Variants in MC2R observed in about 807,000 individuals in gnomAD.
The protein encoded by MC2R is adrenocorticotropic hormone receptor.
A neutral mutation model predicts 9.8 loss-of-function variants in MC2R; 9 were observed. That is an observed-to-expected ratio of 0.92 (90% CI 0.55 to 1.60). The LOEUF is 1.60. Among genes scored for constraint, MC2R ranks in the 40% most tolerant of loss-of-function variants. The pLI is 0.00. For synonymous variants in MC2R, 185 were observed against 154.7 expected, an observed-to-expected ratio of 1.20 and a Z score of -1.45; for missense variants, 370 against 389.0, an observed-to-expected ratio of 0.95 and a Z score of 0.41.
Position 13,897,325 on chromosome 18 carries a change from C to G in MC2R, c.-128-11679G>C, listed in dbSNP as rs146098495. 1.2e-3 allele frequency among the ~76,000 whole-genome samples: 181 copies of G among 152,334 alleles called. 4 individuals carry two copies. The Middle Eastern group carries it at 0.017, about 14-fold the overall frequency. The stretch of plus-strand genomic sequence containing the variant: ...CACGGAGCAAGTCTTTAGACCAGCC[C>G]TAGCCAGGGGGAATCGCTGACCCCA... On this transcript the variant is annotated intron_variant, in intron 1 of 1. Coordinates refer to ENST00000327606, the MANE Select transcript of MC2R (RefSeq NM_000529.2).
chr18:13,884,634 C>T lies in MC2R; in HGVS notation c.885G>A (p.Arg295=), dbSNP rs147683219. The change falls in exon 2 of 2, where the codon AGG becomes AGA. Residue 295 remains arginine (R), a synonymous_variant. Coordinates refer to ENST00000327606, the MANE Select transcript of MC2R (RefSeq NM_000529.2). The stretch of plus-strand genomic sequence containing the variant: ...CCAGGGATCAGCCATTCTACCAGTA[C>T]CTGCTGCAGAAGATCATCTTTTTGA... ...DAFKKMIFCS[R]YW 41 of 1,612,518 alleles carry T rather than the reference C, an allele frequency of 2.5e-5. No homozygotes were observed. Among genetic ancestry groups the T allele is most frequent in the Non-Finnish European group, 3.3e-5 (39 of 1,180,054 alleles).
chr18:13,892,779 TAG>T (rs2045323147), intron 1 of MC2R, among the ~76,000 whole-genome samples: 1 of 147,992 alleles, frequency 6.8e-6, no homozygotes, highest in Non-Finnish European at 1.5e-5. Flanking sequence ...GATACAGAAA[TAG>T]AGATGGAGAT....
chr18:13,912,771 T>C (rs1327828827), intron 1 of MC2R, among the ~76,000 whole-genome samples: 3 of 152,224 alleles, frequency 2.0e-5, no homozygotes, highest in Non-Finnish European at 4.4e-5. Context: ...TACAGAGTTA[T>C]AAGTTACGCT....
At chr18:13,894,136 TTGTGTG>T (rs35649882) in intron 1 of MC2R, among the ~76,000 whole-genome samples, 24 of 148,954 alleles carry the variant, frequency 1.6e-4, no homozygotes, top group African/African-American at 2.7e-4. Flanking sequence ...GCATGTGTGT[TTGTGTG>T]TGTGTGTGTG....
chr18:13,897,195 C>G (rs1344560522), intron 1 of MC2R, among the ~76,000 whole-genome samples: 6 of 152,164 alleles, frequency 3.9e-5, no homozygotes, highest in Non-Finnish European at 8.8e-5. Context: ...GAGAGCATCT[C>G]TGGATGCTGG....
intron 1 of MC2R, among the ~76,000 whole-genome samples, chr18:13,912,550 T>C (rs2045450628): frequency 6.6e-6 from 1 of 152,188 alleles, no homozygotes; most frequent in Non-Finnish European, 1.5e-5. Flanking sequence ...GTTTTGGTGC[T>C]AAATAAAACA....
chr18:13,914,297 G>C (rs1043356809), intron 1 of MC2R, among the ~76,000 whole-genome samples: 5 of 152,214 alleles, frequency 3.3e-5, no homozygotes, highest in Non-Finnish European at 7.3e-5. Flanking sequence ...GCTCTTTGTG[G>C]GTGTGTGTCC....
intron 1 of MC2R, among the ~76,000 whole-genome samples, chr18:13,888,269 T>C (rs1226150639): frequency 1.3e-5 from 2 of 152,140 alleles, no homozygotes; most frequent in East Asian, 1.9e-4. Flanking sequence ...AGTGTGCCCA[T>C]GGGGTCCCTT....
chr18:13,895,093 C>T (rs1020723628), intron 1 of MC2R, among the ~76,000 whole-genome samples: 4 of 152,148 alleles, frequency 2.6e-5, no homozygotes, highest in Admixed American at 6.5e-5. Context: ...CTGAGGTGCA[C>T]GGTAATAATT....
chr18:13,891,098 C>G (rs2045313220), intron 1 of MC2R, among the ~76,000 whole-genome samples: 1 of 152,238 alleles, frequency 6.6e-6, no homozygotes, highest in Admixed American at 6.5e-5. Context: ...ACTGGGCTGT[C>G]AACTCTTTTC....
chr18:13,892,065 G>A (rs1015170258), intron 1 of MC2R, among the ~76,000 whole-genome samples: 1 of 152,192 alleles, frequency 6.6e-6, no homozygotes, highest in Admixed American at 6.5e-5. Flanking sequence ...AAGGGCCAGT[G>A]GTGGCCTGTG....
intron 1 of MC2R, among the ~76,000 whole-genome samples, chr18:13,898,208 A>G (rs2045357926): frequency 6.6e-6 from 1 of 152,160 alleles, no homozygotes; most frequent in Admixed American, 6.5e-5. Flanking sequence ...GAGCGCTTGC[A>G]AACAAGGAAA....
intron 1 of MC2R, among the ~76,000 whole-genome samples, chr18:13,905,322 C>T (rs2045406786): frequency 1.3e-5 from 2 of 152,062 alleles, no homozygotes; most frequent in South Asian, 4.1e-4. Context: ...CCCGTCTCTA[C>T]TAAAAATACA....
Position 13,913,112 on chromosome 18 carries a change from C to T in MC2R, c.-129+2376G>A, listed in dbSNP as rs893695862. On this transcript the variant is annotated intron_variant, in intron 1 of 1. Transcript: ENST00000327606. ...ATGACAATGTGATCACATCTTAGGACGAGCGAAGGAAAGTCCCGAGAATGG... is the reference window on the plus strand; with the variant it reads ...ATGACAATGTGATCACATCTTAGGATGAGCGAAGGAAAGTCCCGAGAATGG... 3.9e-5 allele frequency among the ~76,000 whole-genome samples: 6 copies of T among 152,078 alleles called. No homozygotes were observed. The East Asian group carries it at 5.8e-4, about 15-fold the overall frequency.
intron 1 of MC2R, among the ~76,000 whole-genome samples, chr18:13,897,004 G>A (rs933405131): frequency 1.3e-5 from 2 of 152,160 alleles, no homozygotes; most frequent in African/African-American, 4.8e-5. Context: ...CCCCTGCAAG[G>A]ACACCAATTC....
At chr18:13,901,765 G>A (rs2045381323) in intron 1 of MC2R, among the ~76,000 whole-genome samples, 1 of 152,060 alleles carries the variant, frequency 6.6e-6, no homozygotes, top group Non-Finnish European at 1.5e-5. Context: ...AGAAAAGCCT[G>A]TGACCTAATG....
In MC2R at chr18:13,883,650, CTCTCTCTGTCTGTCTCTG is replaced by C. The variant is rs2045251764; in HGVS notation, c.*957_*974del. 6.6e-6 allele frequency: 1 copy of C among 151,614 alleles called. No homozygotes were observed. Among genetic ancestry groups the C allele is most frequent in the Non-Finnish European group, 1.5e-5 (1 of 68,020 alleles). The allele number at this position is 151,614 out of a possible 1,614,324, so 9.4% of individuals were successfully genotyped here. ...ACACTCTCTCTCTCTCTCTCTCTCT[CTCTCTCTGTCTGTCTCTG>C]TCTCTCTCTCTTTATTTCTTAAAAT... On this transcript the variant is annotated 3_prime_UTR_variant, in exon 2 of 2. Coordinates refer to ENST00000327606, the MANE Select transcript of MC2R (RefSeq NM_000529.2).
chr18:13,906,123 T>C (rs1370950950), intron 1 of MC2R, among the ~76,000 whole-genome samples: 1 of 152,136 alleles, frequency 6.6e-6, no homozygotes, highest in Non-Finnish European at 1.5e-5. Flanking sequence ...TAAAGACACA[T>C]GCACACGTAT....
At chr18:13,914,648 A>G (rs28758600) in intron 1 of MC2R, among the ~76,000 whole-genome samples, 201 of 152,152 alleles carry the variant, frequency 1.3e-3, no homozygotes, top group African/African-American at 4.7e-3. Flanking sequence ...GTATGTGTGT[A>G]TATGTGTGTG....
Sources: gnomAD v4.1 joint callset for allele counts (sites outside exome capture counted in the v4.1 genomes callset) on GRCh38, gnomAD v4.1.1 for gene constraint, MANE v1.5 for transcripts, NCBI Gene and HGNC (gene_info 2026-07-23, HGNC 2026-07-21) for gene names.